Variants in WWC1 observed in about 807,000 individuals in gnomAD.
WWC1 encodes protein KIBRA.
A neutral mutation model predicts 138.4 loss-of-function variants in WWC1; 55 were observed. The observed-to-expected ratio is 0.40, with a 90% CI of 0.32 to 0.50. WWC1 has a LOEUF of 0.50. WWC1 is among the 20% of genes least tolerant of loss of function. The pLI is 0.72. For synonymous variants in WWC1, 524 were observed against 564.9 expected, an observed-to-expected ratio of 0.93 and a Z score of 1.03; for missense variants, 1,226 against 1,420.4, an observed-to-expected ratio of 0.86 and a Z score of 2.20.
At position 168,428,076 on chromosome 5, in the gene WWC1, C is replaced by A. The variant is rs776347470; in HGVS notation, c.1854C>A (p.Val618=). 3 of 1,613,560 alleles carry A rather than the reference C, an allele frequency of 1.9e-6. No homozygotes were observed. The Admixed American group carries it at 5.0e-5, about 27-fold the overall frequency. ...AQGCGLKVAC[V]SAAVSDESVA... is the part of the protein sequence containing the mutation. Reference sequence around the variant, plus strand: ...GGTGTGGCCTGAAAGTGGCCTGTGTCTCAGCCGCCGTATCGGACGAGTCAG... The same window carrying A: ...GGTGTGGCCTGAAAGTGGCCTGTGTATCAGCCGCCGTATCGGACGAGTCAG... The change falls in exon 12 of 23, where the codon GTC becomes GTA. Residue 618 remains valine (V), a synonymous_variant. Coordinates refer to ENST00000265293, the MANE Select transcript of WWC1 (RefSeq NM_015238.3).
chr5:168,406,198 A>C lies in WWC1; in HGVS notation c.591A>C (p.Lys197Asn). ...ACCTTTCCCATTAACTGTCTCCTAGAATCGATAAGAAAATGTCTGATGCTC... is the reference window on the plus strand; with the variant it reads ...ACCTTTCCCATTAACTGTCTCCTAGCATCGATAAGAAAATGTCTGATGCTC... ...FKERGFQTLK[K>N]IDKKMSDAQG... Residue 197 changes from lysine to asparagine, a missense_variant and splice_region_variant, in exon 6 of 23, where the codon AAA becomes AAC. Lys to Asn is a moderately conservative substitution (Grantham distance 94). Around this residue, in one of 3 missense-constraint regions of WWC1, gnomAD observed 1,016 missense variants for 1,153.9 expected, o/e 0.88. Coordinates refer to ENST00000265293, the MANE Select transcript of WWC1 (RefSeq NM_015238.3). 6.2e-7 allele frequency: 1 copy of C among 1,613,706 alleles called. No individual in the cohort carries two copies.
In WWC1 at chr5:168,470,720, G is replaced by C. The variant is rs2152900400; in HGVS notation, c.*1703G>C. On this transcript the variant is annotated 3_prime_UTR_variant, in exon 23 of 23. Transcript: ENST00000265293. The stretch of plus-strand genomic sequence containing the variant: ...GTAGTGGCGCATACCTGTAATCCCA[G>C]CTACTTGGGTGGCCAAGGCTTGAAC... 6.6e-6 allele frequency: 1 copy of C among 152,266 alleles called. No homozygotes were observed. The highest frequency in any genetic ancestry group is 1.9e-4 in the East Asian group (1 of 5,162). The allele number at this position is 152,266 out of a possible 1,614,324, so 9.4% of individuals were successfully genotyped here. A position where few individuals can be genotyped will look rare whatever the true frequency, so the allele number is the denominator to read the frequency against.
intron 2 of WWC1, among the ~76,000 whole-genome samples, chr5:168,382,390 ACT>A (rs1293625990): frequency 5.9e-5 from 9 of 151,676 alleles, no homozygotes; most frequent in African/African-American, 1.7e-4. Flanking sequence ...AGAGATGGAA[ACT>A]CTCTTATTTC....
At chr5:168,436,443 A>G (rs1359422319) in intron 15 of WWC1, among the ~76,000 whole-genome samples, 1 of 151,458 alleles carries the variant, frequency 6.6e-6, no homozygotes. Flanking sequence ...TTTTCTACTC[A>G]TTTCCTTGGT....
At chr5:168,363,511 C>G (rs574884651) in intron 1 of WWC1, among the ~76,000 whole-genome samples, 92 of 104,472 alleles carry the variant, frequency 8.8e-4, no homozygotes, top group African/African-American at 3.7e-3. Flanking sequence ...GGTGACAGAG[C>G]CAGACTCTGT....
intron 4 of WWC1, 47 bp downstream of exon 4, chr5:168,397,847 A>T: frequency 1.2e-6 from 2 of 1,607,338 alleles, no homozygotes; most frequent in African/African-American, 2.7e-5. Flanking sequence ...GGGGCCACTG[A>T]GGTCTTAGGC....
At chr5:168,370,264 C>T (rs1010564967) in intron 1 of WWC1, among the ~76,000 whole-genome samples, 1 of 152,092 alleles carries the variant, frequency 6.6e-6, no homozygotes, top group African/African-American at 2.4e-5. Flanking sequence ...TTGGTTGCAC[C>T]ATTGATTAAA....
chr5:168,422,685 A>G (rs1185562777), intron 10 of WWC1, among the ~76,000 whole-genome samples: 1 of 152,212 alleles, frequency 6.6e-6, no homozygotes, highest in East Asian at 1.9e-4. Context: ...ATGTAGCCTC[A>G]GACCTGGGCC....
chr5:168,326,216 C>CTTTTTTTTTTTTTTTT (rs796347858), intron 1 of WWC1, among the ~76,000 whole-genome samples: 21 of 113,282 alleles, frequency 1.9e-4, no homozygotes, highest in African/African-American at 7.2e-4. Context: ...ACCTGATAGT[C>CTTTTTTTTTTTTTTTT]TTTTTTTTTT....
intron 17 of WWC1, among the ~76,000 whole-genome samples, chr5:168,447,731 A>G (rs1443794972): frequency 6.6e-6 from 1 of 151,764 alleles, no homozygotes; most frequent in Admixed American, 6.6e-5. Flanking sequence ...TTCCTTTGTT[A>G]GTTTAGGGTT....
intron 1 of WWC1, among the ~76,000 whole-genome samples, chr5:168,339,874 T>C (rs143151921): frequency 0.04 from 5,751 of 145,558 alleles, 158 homozygotes; most frequent in Non-Finnish European, 0.061. Flanking sequence ...TCTCTCTCTC[T>C]CCCTCTCTCC....
At chr5:168,340,107 G>A (rs1233656076) in intron 1 of WWC1, among the ~76,000 whole-genome samples, 3 of 138,042 alleles carry the variant, frequency 2.2e-5, no homozygotes, top group Non-Finnish European at 3.1e-5. Context: ...AGATGGTCTC[G>A]CTCTGTCGCC....
At chr5:168,422,595 A>C (rs1172931233) in intron 10 of WWC1, among the ~76,000 whole-genome samples, 10 of 151,892 alleles carry the variant, frequency 6.6e-5, no homozygotes, top group Non-Finnish European at 1.5e-4. Flanking sequence ...AGCCTGGGTG[A>C]TAGAGCCAGA....
At chr5:168,364,584 G>T (rs571475501) in intron 1 of WWC1, among the ~76,000 whole-genome samples, 1 of 152,174 alleles carries the variant, frequency 6.6e-6, no homozygotes. Flanking sequence ...TCAAGCGTCT[G>T]AGCCCTCGTA....
At chr5:168,362,421 G>A (rs1191843212) in intron 1 of WWC1, among the ~76,000 whole-genome samples, 1 of 152,192 alleles carries the variant, frequency 6.6e-6, no homozygotes, top group Non-Finnish European at 1.5e-5. Context: ...TGGATTCAAA[G>A]CCAGTGAGTC....
At chr5:168,460,808 C>G (rs1166955486) in intron 20 of WWC1, 66 bp downstream of exon 20, 90 of 1,494,102 alleles carry the variant, frequency 6.0e-5, no homozygotes, top group Non-Finnish European at 8.1e-5. Context: ...GCCCTGTGTC[C>G]TGCACACACA....
intron 3 of WWC1, among the ~76,000 whole-genome samples, chr5:168,392,984 C>A (rs1012461121): frequency 2.0e-5 from 3 of 151,504 alleles, no homozygotes; most frequent in African/African-American, 7.3e-5. Flanking sequence ...AAGGAACCTT[C>A]AGAGAATAAA....
At chr5:168,378,543 G>A (rs1373410261) in intron 2 of WWC1, among the ~76,000 whole-genome samples, 3 of 152,070 alleles carry the variant, frequency 2.0e-5, no homozygotes, top group Non-Finnish European at 4.4e-5. Context: ...AAGACTCTTT[G>A]TGTATGTTAC....
chr5:168,464,769 G>A lies in WWC1; in HGVS notation c.2957G>A (p.Arg986His), dbSNP rs777482969. Residue 986 changes from arginine (R) to histidine (H), a missense_variant, in exon 21 of 23, where the codon CGT becomes CAT. Around this residue, in one of 3 missense-constraint regions of WWC1, gnomAD observed 206 missense variants for 247.4 expected, o/e 0.83. Transcript: ENST00000265293. ...VKSLRSERLI[R>H]TSLDLELDLQ... ...TCGCTGCGCTCCGAGCGTCTGATCC[G>A]TACCTCGCTGGACCTGGAGTTAGAC... 22 of 1,614,134 alleles carry A rather than the reference G, an allele frequency of 1.4e-5. No homozygotes were observed. The highest frequency in any genetic ancestry group is 2.2e-5 in the East Asian group (1 of 44,856).
Sources: gnomAD v4.1 joint callset for allele counts (sites outside exome capture counted in the v4.1 genomes callset) on GRCh38, gnomAD v4.1.1 for gene constraint, gnomAD v4.1.1 regional missense constraint, MANE v1.5 for transcripts, NCBI Gene and HGNC (gene_info 2026-07-23, HGNC 2026-07-21) for gene names.